XPO4: variants seen among roughly 807,000 people sequenced by gnomAD.
The protein encoded by XPO4 is exportin 4.
A neutral mutation model predicts 143.0 loss-of-function variants in XPO4; 39 were observed. The ratio of observed to expected loss-of-function variants is 0.27; its 90% CI spans 0.21 to 0.36. XPO4 has a LOEUF of 0.36. Ranked by LOEUF, XPO4 falls within the 10% of genes least tolerant of loss-of-function variation. The probability of loss-of-function intolerance (pLI) is 1.00; values close to 1 mark genes in which losing one functional copy is unlikely to be tolerated. For missense variants in XPO4, 907 were observed against 1,348.0 expected (o/e 0.67, Z 5.12); for synonymous variants, 439 against 474.0 (o/e 0.93, Z 0.96).
chr13:20,790,286 C>A (rs780379515), intron 19 of XPO4, among the ~76,000 whole-genome samples, 176 bp downstream of exon 19: 2 of 152,120 alleles, frequency 1.3e-5, no homozygotes, highest in Non-Finnish European at 2.9e-5. Context: ...TAAGTAAGGG[C>A]CCATGTTACT....
At chr13:20,897,114 C>T (rs763018833) in intron 1 of XPO4, among the ~76,000 whole-genome samples, 9 of 151,884 alleles carry the variant, frequency 5.9e-5, no homozygotes, top group African/African-American at 9.7e-5. Context: ...CTAGTGCCAC[C>T]GCAGGTACTA....
chr13:20,787,137 A>G, intron 21 of XPO4, 80 bp from the exon 22 acceptor site: 1 of 1,185,186 alleles, frequency 8.4e-7, no homozygotes, highest in South Asian at 1.5e-5. Context: ...AAAAAAGAAG[A>G]AGAGAGGGTT....
At chr13:20,868,921 CA>C (rs1393734568) in intron 1 of XPO4, among the ~76,000 whole-genome samples, 1 of 152,070 alleles carries the variant, frequency 6.6e-6, no homozygotes, top group African/African-American at 2.4e-5. Flanking sequence ...AGGTTTGGGT[CA>C]GAATCCTTTA....
intron 6 of XPO4, among the ~76,000 whole-genome samples, chr13:20,836,777 AT>A (rs769187060): frequency 1.1e-4 from 16 of 152,312 alleles, no homozygotes; most frequent in South Asian, 8.3e-4. Context: ...ATCTGAGAAC[AT>A]TTCCATGGTA....
At chr13:20,880,159 C>T (rs572724618) in intron 1 of XPO4, among the ~76,000 whole-genome samples, 4 of 152,238 alleles carry the variant, frequency 2.6e-5, no homozygotes, top group South Asian at 2.1e-4. Flanking sequence ...CACAGACGGG[C>T]GCGGTGGCTC....
chr13:20,801,601 C>T (rs1311445640), intron 13 of XPO4, among the ~76,000 whole-genome samples: 5 of 152,132 alleles, frequency 3.3e-5, no homozygotes, highest in Non-Finnish European at 5.9e-5. Flanking sequence ...TTCATATGGT[C>T]GTGTGGTGTC....
intron 3 of XPO4, among the ~76,000 whole-genome samples, chr13:20,857,252 A>T (rs888425909): frequency 2.6e-5 from 4 of 152,356 alleles, no homozygotes; most frequent in African/African-American, 9.6e-5. Context: ...CTATGACTAC[A>T]AATGTACACA....
At chr13:20,828,660 G>A (rs564820770) in intron 6 of XPO4, among the ~76,000 whole-genome samples, 34 of 152,256 alleles carry the variant, frequency 2.2e-4, no homozygotes, top group Admixed American at 1.5e-3. Flanking sequence ...ATTAACAAAA[G>A]TGAAACTCAA....
At chr13:20,799,435 C>T (rs2059405007) in intron 15 of XPO4, 96 bp from the exon 16 acceptor site, 2 of 1,142,178 alleles carry the variant, frequency 1.8e-6, no homozygotes, top group Non-Finnish European at 2.4e-6. Flanking sequence ...TAAAAAATAA[C>T]TAGATTTAAT....
intron 9 of XPO4, among the ~76,000 whole-genome samples, chr13:20,820,883 A>G (rs376204749): frequency 5.3e-5 from 8 of 152,200 alleles, no homozygotes; most frequent in Non-Finnish European, 7.3e-5. Context: ...TTCTAACAAA[A>G]TATCTACATT....
At chr13:20,862,030 G>A (rs2060205756) in intron 3 of XPO4, among the ~76,000 whole-genome samples, 1 of 151,812 alleles carries the variant, frequency 6.6e-6, no homozygotes, top group South Asian at 2.1e-4. Context: ...CTCATGATCT[G>A]CCTGGCTTGG....
chr13:20,869,472 G>C, intron 1 of XPO4: 2 of 961,776 alleles, frequency 2.1e-6, no homozygotes, highest in Non-Finnish European at 2.5e-6. Flanking sequence ...AAGGGGGCTG[G>C]AGGTAGATGG....
At position 20,796,709 on chromosome 13, in the gene XPO4, T is replaced by C. The variant is rs369295755; in HGVS notation, c.2616+55A>G. On this transcript the variant is annotated intron_variant, in intron 17 of 22. Transcript: ENST00000255305. ...AATTTTAAGCAAAGATCTATTATTT[T>C]ATTACAGCTTCAAAGAGTTTTAATC... is the stretch of plus-strand genomic sequence containing the variant. The C allele has an allele frequency of 1.1e-5, 15 of 1,323,014 alleles. 1 individual carries two copies. The highest frequency in any genetic ancestry group is 5.2e-5 in the East Asian group (2 of 38,578). 82.0% of individuals were successfully genotyped at this position (1,323,014 alleles called of 1,614,324 possible).
chr13:20,834,691 G>A (rs1342581569), intron 6 of XPO4, among the ~76,000 whole-genome samples: 1 of 152,018 alleles, frequency 6.6e-6, no homozygotes, highest in African/African-American at 2.4e-5. Flanking sequence ...AAGCCCAGTG[G>A]CTCATGCCTG....
At chr13:20,849,120 A>C in intron 4 of XPO4, 1 of 985,478 alleles carries the variant, frequency 1.0e-6, no homozygotes, top group East Asian at 1.1e-4. Flanking sequence ...ACAAAATAAA[A>C]TACTCTTGTT....
At chr13:20,823,654 CT>C (rs569439475) in intron 7 of XPO4, among the ~76,000 whole-genome samples, 378 of 148,930 alleles carry the variant, frequency 2.5e-3, no homozygotes, top group African/African-American at 8.2e-3. Context: ...ACACAGAATT[CT>C]TTTTTTTTCC....
intron 2 of XPO4, chr13:20,866,330 A>C (rs2060244871): frequency 1.0e-6 from 1 of 985,040 alleles, no homozygotes; most frequent in Non-Finnish European, 1.2e-6. Context: ...AAAAATGAGC[A>C]ACATATAAAA....
chr13:20,873,989 A>G (rs1381190680), intron 1 of XPO4, among the ~76,000 whole-genome samples: 1 of 152,212 alleles, frequency 6.6e-6, no homozygotes, highest in Non-Finnish European at 1.5e-5. Flanking sequence ...TTACATCTGG[A>G]GAAAACAGGA....
Position 20,803,255 on chromosome 13 carries a change from C to T in XPO4, c.1818-2265G>A, listed in dbSNP as rs1048911575. 6.6e-6 allele frequency among the ~76,000 whole-genome samples: 1 copy of T among 152,206 alleles called. No homozygotes were observed. Among genetic ancestry groups the T allele is most frequent in the Non-Finnish European group, 1.5e-5 (1 of 68,042 alleles). Reference sequence around the variant, plus strand: ...GTTATTTAATGCAAAGGACTGAAACCTGCTAACTGTCCACTCACTAGTGAC... The same window carrying T: ...GTTATTTAATGCAAAGGACTGAAACTTGCTAACTGTCCACTCACTAGTGAC... On this transcript the variant is annotated intron_variant, in intron 13 of 22. Coordinates refer to ENST00000255305, the MANE Select transcript of XPO4 (RefSeq NM_022459.5). The surrounding 1 kb of genome is among the most constrained non-coding windows in gnomAD (Gnocchi z 4.1).
Sources: allele counts gnomAD v4.1 joint callset (sites outside exome capture counted in the v4.1 genomes callset), GRCh38; gene constraint gnomAD v4.1.1; non-coding constraint Gnocchi (gnomAD v3.1); transcripts MANE v1.5; gene names NCBI Gene and HGNC (gene_info 2026-07-23, HGNC 2026-07-21).